NOL6: variants seen among roughly 807,000 people sequenced by gnomAD.
The protein encoded by NOL6 is nucleolar RNA-associated protein.
A neutral mutation model predicts 131.7 loss-of-function variants in NOL6; 33 were observed. That is an observed-to-expected ratio of 0.25 (90% CI 0.19 to 0.33). NOL6 has a LOEUF of 0.33. Ranked by LOEUF, NOL6 falls within the 10% of genes least tolerant of loss-of-function variation. The pLI is 1.00. For missense variants in NOL6, 1,297 were observed against 1,494.5 expected, an observed-to-expected ratio of 0.87 and a Z score of 2.18; for synonymous variants, 580 against 605.7, an observed-to-expected ratio of 0.96 and a Z score of 0.62.
At chr9:33,465,695 G>A (rs753238183) in intron 19 of NOL6, 39 bp downstream of exon 19, 5 of 1,592,088 alleles carry the variant, frequency 3.1e-6, no homozygotes, top group Admixed American at 3.5e-5. Context: ...GGGCAGGAGG[G>A]GGCCTACAGA....
intron 8 of NOL6, 44 bp from the exon 9 acceptor site, chr9:33,468,610 G>T (rs764568319): frequency 1.9e-6 from 3 of 1,608,274 alleles, no homozygotes; most frequent in Non-Finnish European, 2.6e-6. Flanking sequence ...CCCTTCTGGG[G>T]ACCCAGCCCT....
At position 33,469,746 on chromosome 9, in the gene NOL6, G is replaced by A. The variant is rs933654413; in HGVS notation, c.559-79C>T. 2.6e-6 allele frequency: 4 copies of A among 1,534,784 alleles called. No homozygotes were observed. In the African/African-American group the frequency reaches 4.2e-5, roughly 16 times the overall value. ...GTGGGCCAAGGTGAAACCAAGGTGA[G>A]AGAGCCAGGGCTCCTCTGCTGACAG... On this transcript the variant is annotated intron_variant, in intron 4 of 25. Transcript: ENST00000297990.
In NOL6 at chr9:33,473,849, G is replaced by C. The variant is rs370736880; in HGVS notation, c.-7C>G. On this transcript the variant is annotated 5_prime_UTR_variant, in exon 1 of 26. Coordinates refer to ENST00000297990, the MANE Select transcript of NOL6 (RefSeq NM_022917.5). ...CAGCTGGCGCCGGCCCCATCACTCA[G>C]GGTCCAGCACTCTCCCGCACTTCAG... 3 of 1,610,152 alleles carry C rather than the reference G, an allele frequency of 1.9e-6. No homozygotes were observed. The African/African-American group carries it at 4.0e-5, about 22-fold the overall frequency.
In NOL6 at chr9:33,468,548, A is replaced by C; in HGVS notation, c.1166T>G (p.Val389Gly). 1.2e-6 allele frequency: 2 copies of C among 1,614,132 alleles called. No individual in the cohort carries two copies. The highest frequency in any genetic ancestry group is 2.2e-5 in the South Asian group (2 of 91,078). Reference protein sequence around the residue: ...LQFLATTDLTVNGISLCLSSD... With the variant: ...LQFLATTDLTGNGISLCLSSD... ...GCTGAGACATAAACTGATCCCGTTG[A>C]CTGTCAGGTCTGTAGTGGCTGAAGT... The change falls in exon 9 of 26, where the codon GTC becomes GGC. Residue 389 changes from valine (V) to glycine (G), a missense_variant. By Grantham distance (109) the Val-to-Gly change is moderately radical (BLOSUM62 -3). Coordinates refer to ENST00000297990, the MANE Select transcript of NOL6 (RefSeq NM_022917.5).
At position 33,470,116 on chromosome 9, in the gene NOL6, A is replaced by G. The variant is rs1427718943; in HGVS notation, c.454T>C (p.Phe152Leu). The G allele has an allele frequency of 6.2e-7, 1 of 1,613,036 alleles. No homozygotes were observed. The part of the protein sequence containing the change: ...HQVPYAVKGC[F>L]RFLPPAQVTV... ...ACCTGGGCTGGGGGCAGGAAGCGGA[A>G]ACAGCCCTTCACGGCATAGGGCACT... Residue 152 changes from phenylalanine (F) to leucine (L), a missense_variant, in exon 4 of 26, where the codon TTC (phenylalanine) becomes CTC (leucine). Phe to Leu is a conservative substitution (Grantham distance 22). Transcript: ENST00000297990.
intron 1 of NOL6, among the ~76,000 whole-genome samples, chr9:33,473,450 G>A (rs1827468729): frequency 6.6e-6 from 1 of 152,214 alleles, no homozygotes; most frequent in Non-Finnish European, 1.5e-5. Flanking sequence ...GCTACAGCGG[G>A]GAGCACAGAA....
intron 3 of NOL6, chr9:33,470,582 G>A (rs1453215914): frequency 1.3e-5 from 2 of 153,850 alleles, no homozygotes; most frequent in African/African-American, 4.8e-5. Context: ...CTGCTGGGGA[G>A]GCTGAGGCAG....
intron 20 of NOL6, 32 bp from the exon 21 acceptor site, chr9:33,465,008 G>T: frequency 6.4e-7 from 1 of 1,563,076 alleles, no homozygotes; most frequent in Non-Finnish European, 8.8e-7. Flanking sequence ...AGAATCCAGG[G>T]CCCAGCCACA....
intron 3 of NOL6, 42 bp downstream of exon 3, chr9:33,471,962 G>A (rs1161472880): frequency 1.5e-6 from 2 of 1,375,228 alleles, no homozygotes; most frequent in Non-Finnish European, 1.0e-6. Context: ...CCCCACTGGA[G>A]GTCTCTCTTG....
At chr9:33,472,642 G>GCT in intron 1 of NOL6, 1 of 570,232 alleles carries the variant, frequency 1.8e-6, no homozygotes, top group Non-Finnish European at 3.1e-6. Context: ...GACACCACAA[G>GCT]CATGGAGCTC....
intron 21 of NOL6, 59 bp from the exon 22 acceptor site, chr9:33,464,220 C>T (rs1230149574): frequency 3.1e-5 from 48 of 1,535,350 alleles, no homozygotes; most frequent in Non-Finnish European, 3.7e-5. Flanking sequence ...ACCCTCTACT[C>T]CCCCAGGTCC....
Position 33,465,905 on chromosome 9 carries a change from A to T in NOL6, c.2365-8T>A. The T allele has an allele frequency of 6.2e-7, 1 of 1,612,812 alleles. No individual in the cohort carries two copies. Among genetic ancestry groups the T allele is most frequent in the Admixed American group, 1.7e-5 (1 of 59,988 alleles). Reference sequence around the variant, plus strand: ...CCGAAACACAAATCCATCCTGTTGGAAGAAGGTATGGAAAGAGAAGGATGT... The same window carrying T: ...CCGAAACACAAATCCATCCTGTTGGTAGAAGGTATGGAAAGAGAAGGATGT... On this transcript the variant is annotated splice_polypyrimidine_tract_variant and splice_region_variant and intron_variant, in intron 18 of 25. Transcript: ENST00000297990.
chr9:33,467,779 G>C lies in NOL6; in HGVS notation c.1514C>G (p.Ala505Gly), dbSNP rs1195949901. 2.0e-5 allele frequency: 32 copies of C among 1,611,484 alleles called. No homozygotes were observed. The highest frequency in any genetic ancestry group is 2.6e-5 in the Non-Finnish European group (31 of 1,179,010). The change falls in exon 12 of 26, where the codon GCT becomes GGT. Residue 505 changes from alanine (A) to glycine (G), a missense_variant. Ala to Gly is a moderately conservative substitution (Grantham distance 60, BLOSUM62 0). Transcript: ENST00000297990. This position sits in a 1 kb window ranked among gnomAD's most constrained non-coding sequence, Gnocchi z 4.4. ...GAGGGTGGTCAGGGGGCCCAAAGCAGCTGAGACATAGTCCCCACCATTGTC... is the reference window on the plus strand; with the variant it reads ...GAGGGTGGTCAGGGGGCCCAAAGCACCTGAGACATAGTCCCCACCATTGTC... ...LQDNGGDYVS[A>G]ALGPLTTLLE... is the part of the protein sequence containing the mutation.
Position 33,467,391 on chromosome 9 carries a change from C to T in NOL6, c.1725+3G>A. 6.2e-7 allele frequency: 1 copy of T among 1,613,998 alleles called. No homozygotes were observed. The highest frequency in any genetic ancestry group is 1.1e-5 in the South Asian group (1 of 91,070). ...TTCCAGTGTACATGCTGGGGTCCCCCACCTCAGGCTGGTCTGCCTCTGGAC... is the reference window on the plus strand; with the variant it reads ...TTCCAGTGTACATGCTGGGGTCCCCTACCTCAGGCTGGTCTGCCTCTGGAC... On this transcript the variant is annotated splice_donor_region_variant and intron_variant, in intron 13 of 25. Transcript: ENST00000297990. This position sits in a 1 kb window ranked among gnomAD's most constrained non-coding sequence, Gnocchi z 4.4.
chr9:33,472,263 C>T lies in NOL6; in HGVS notation c.204G>A (p.Glu68=), dbSNP rs1395386377. 6.2e-7 allele frequency: 1 copy of T among 1,614,124 alleles called. No homozygotes were observed. Among genetic ancestry groups the T allele is most frequent in the Non-Finnish European group, 8.5e-7 (1 of 1,180,052 alleles). ...TCTCAGTCTCCCGAAGGCGATTAAG[C>T]TCCTCATTGGTAGGCTCCTTGTACA... is the stretch of plus-strand genomic sequence containing the variant. The part of the protein sequence containing the change: ...AELYKEPTNE[E]LNRLRETEIL... The change falls in exon 2 of 26, where the codon GAG becomes GAA. Residue 68 remains glutamate, a synonymous_variant. Coordinates refer to ENST00000297990, the MANE Select transcript of NOL6 (RefSeq NM_022917.5).
chr9:33,463,959 G>T, intron 22 of NOL6, 39 bp from the exon 23 acceptor site: 2 of 1,614,056 alleles, frequency 1.2e-6, no homozygotes, highest in Non-Finnish European at 1.7e-6. Flanking sequence ...ACTGAAGTGG[G>T]TCTCTCCCAG....
intron 20 of NOL6, 80 bp downstream of exon 20, chr9:33,465,127 G>A: frequency 1.3e-6 from 2 of 1,521,580 alleles, no homozygotes; most frequent in Non-Finnish European, 1.8e-6. Context: ...CCATTCCCAT[G>A]TAGACTTAGG....
chr9:33,468,245 G>C, intron 10 of NOL6, 76 bp downstream of exon 10: 1 of 1,608,358 alleles, frequency 6.2e-7, no homozygotes, highest in Non-Finnish European at 8.5e-7. Context: ...GGAGTTTCTG[G>C]GGTTCTGGTA....
At position 33,465,811 on chromosome 9, in the gene NOL6, C is replaced by T. The variant is rs200782239; in HGVS notation, c.2451G>A (p.Ser817=). The change falls in exon 19 of 26, where the codon TCG becomes TCA. Residue 817 remains serine (S), a synonymous_variant. Coordinates refer to ENST00000297990, the MANE Select transcript of NOL6 (RefSeq NM_022917.5). The part of the protein sequence containing the change: ...KEVQSPEGMI[S]LRDTAASLRL... ...GGAGGGAGGCAGCTGTGTCCCTCAG[C>T]GAGATCATCCCCTCTGGGCTCTGCA... 30 of 1,613,928 alleles carry T rather than the reference C, an allele frequency of 1.9e-5. No homozygotes were observed. The highest frequency in any genetic ancestry group is 1.0e-4 in the Admixed American group (6 of 59,994).
Sources: gnomAD v4.1 joint callset for allele counts (sites outside exome capture counted in the v4.1 genomes callset) on GRCh38, gnomAD v4.1.1 for gene constraint, Gnocchi (gnomAD v3.1) non-coding constraint, MANE v1.5 for transcripts, NCBI Gene and HGNC (gene_info 2026-07-23, HGNC 2026-07-21) for gene names.